The following ENTREP2 variants were observed in gnomAD, a reference collection of about 807,000 sequenced individuals.
ENTREP2 encodes the protein protein ENTREP2.
chr15:29,584,945 A>G, the ENTREP2 span, among the ~76,000 whole-genome samples: 1 of 152,142 alleles, frequency 6.6e-6, no homozygotes, highest in African/African-American at 2.4e-5. Flanking sequence ...AATTTTGTCA[A>G]TTATACTTCA....
At chr15:29,661,241 C>T in the ENTREP2 span, among the ~76,000 whole-genome samples, 1 of 152,156 alleles carries the variant, frequency 6.6e-6, no homozygotes, top group African/African-American at 2.4e-5. Context: ...CACTCTGTTG[C>T]CCAGGTTGGA....
the ENTREP2 span, among the ~76,000 whole-genome samples, chr15:29,224,505 G>A: frequency 3.3e-5 from 5 of 152,156 alleles, no homozygotes; most frequent in Non-Finnish European, 1.5e-5. Flanking sequence ...TTTACAGAGA[G>A]CTGATTGGTC....
chr15:29,411,791 A>G, the ENTREP2 span, among the ~76,000 whole-genome samples: 3 of 152,200 alleles, frequency 2.0e-5, no homozygotes, highest in Non-Finnish European at 4.4e-5. Flanking sequence ...TTTCACAGTT[A>G]AGTGTTTAAA....
the ENTREP2 span, among the ~76,000 whole-genome samples, chr15:29,192,757 T>C: frequency 6.6e-6 from 1 of 152,048 alleles, no homozygotes; most frequent in East Asian, 1.9e-4. Flanking sequence ...TGGACACAGT[T>C]GAGGAAAAAA....
At chr15:29,277,455 T>C in the ENTREP2 span, among the ~76,000 whole-genome samples, 2 of 152,206 alleles carry the variant, frequency 1.3e-5, no homozygotes, top group Admixed American at 1.3e-4. Context: ...CCAACCTTTT[T>C]GGTACTAGGG....
the ENTREP2 span, among the ~76,000 whole-genome samples, chr15:29,202,722 G>A: frequency 2.6e-5 from 4 of 152,116 alleles, no homozygotes; most frequent in African/African-American, 9.7e-5. Flanking sequence ...ACTTATGAGT[G>A]AGAACATGCA....
the ENTREP2 span, among the ~76,000 whole-genome samples, chr15:29,550,867 C>T: frequency 1.3e-5 from 2 of 152,152 alleles, no homozygotes; most frequent in Non-Finnish European, 2.9e-5. Context: ...CATCATCTTT[C>T]CTGAGCTCTT....
the ENTREP2 span, among the ~76,000 whole-genome samples, chr15:29,506,258 T>TCTTG: frequency 6.6e-6 from 1 of 152,076 alleles, no homozygotes; most frequent in Non-Finnish European, 1.5e-5. Context: ...TGGGACTATG[T>TCTTG]GAAAAGACCA....
the ENTREP2 span, among the ~76,000 whole-genome samples, chr15:29,585,021 AGATAGAT>A: frequency 6.6e-6 from 1 of 152,034 alleles, no homozygotes; most frequent in Non-Finnish European, 1.5e-5. Context: ...ATAGATAGAT[AGATAGAT>A]AGATGATGGA....
At chr15:29,596,686 T>A in the ENTREP2 span, among the ~76,000 whole-genome samples, 2 of 152,128 alleles carry the variant, frequency 1.3e-5, no homozygotes, top group Non-Finnish European at 2.9e-5. Flanking sequence ...TATTTTTTTT[T>A]AGACAGATTC....
At chr15:29,476,817 C>T in the ENTREP2 span, among the ~76,000 whole-genome samples, 1 of 152,182 alleles carries the variant, frequency 6.6e-6, no homozygotes, top group Admixed American at 6.5e-5. Context: ...ATGCTGCTGG[C>T]GGGAGCAGAC....
the ENTREP2 span, among the ~76,000 whole-genome samples, chr15:29,649,508 G>A: frequency 4.6e-5 from 7 of 152,036 alleles, no homozygotes; most frequent in South Asian, 4.2e-4. Flanking sequence ...ATCACCTGAG[G>A]TCAGGAGTTT....
At chr15:29,292,298 CTTTTT>C in the ENTREP2 span, among the ~76,000 whole-genome samples, 9 of 151,912 alleles carry the variant, frequency 5.9e-5, no homozygotes, top group African/African-American at 2.2e-4. Context: ...TTCTTTCCTT[CTTTTT>C]CTCTTTCTTC....
chr15:29,343,075 T>C, the ENTREP2 span, among the ~76,000 whole-genome samples: 9 of 150,250 alleles, frequency 6.0e-5, no homozygotes, highest in African/African-American at 1.2e-4. Flanking sequence ...TCCAAATGCA[T>C]TGTGAAGTGG....
chr15:29,586,657 G>T, the ENTREP2 span, among the ~76,000 whole-genome samples: 1 of 151,618 alleles, frequency 6.6e-6, no homozygotes, highest in Admixed American at 6.6e-5. Context: ...GCTGAGACAC[G>T]AGAATCACTT....
chr15:29,433,781 GA>G, the ENTREP2 span, among the ~76,000 whole-genome samples: 70,776 of 134,736 alleles, frequency 0.53, 18,650 homozygotes, highest in Non-Finnish European at 0.58. Context: ...TCCTCCATGG[GA>G]AAAAAAAAAA....
At chr15:29,506,942 A>G in the ENTREP2 span, among the ~76,000 whole-genome samples, 52 of 152,324 alleles carry the variant, frequency 3.4e-4, no homozygotes, top group Middle Eastern at 3.4e-3. Context: ...AATGCCCCCA[A>G]TTAAAAGGCA....
chr15:29,179,586 T>C, the ENTREP2 span, among the ~76,000 whole-genome samples: 5 of 150,694 alleles, frequency 3.3e-5, no homozygotes, highest in Non-Finnish European at 7.4e-5. Context: ...AGTCGTCTTT[T>C]TTTTTTTTTT....
the ENTREP2 span, among the ~76,000 whole-genome samples, chr15:29,233,386 T>C: frequency 2.3e-4 from 35 of 152,342 alleles, no homozygotes; most frequent in Admixed American, 9.2e-4. Context: ...CTCACAATTC[T>C]GCATGATTTT....
Sources: gnomAD v4.1 joint callset for allele counts (sites outside exome capture counted in the v4.1 genomes callset) on GRCh38, gnomAD v4.1.1 for gene constraint, MANE v1.5 for transcripts, NCBI Gene and HGNC (gene_info 2026-07-23, HGNC 2026-07-21) for gene names.